DNAAF11: variants seen among roughly 807,000 people sequenced by gnomAD.
The protein encoded by DNAAF11 is dynein axonemal assembly factor 11.
In DNAAF11, 45 loss-of-function variants were observed where a neutral mutation model predicts 60.8. The ratio of observed to expected loss-of-function variants is 0.74; its 90% confidence interval spans 0.58 to 0.95. The LOEUF (loss-of-function observed/expected upper bound fraction) is 0.95. Among genes scored for constraint, DNAAF11 ranks in the 40% least tolerant of loss-of-function variants. The pLI is 0.00. For missense variants in DNAAF11, 546 were observed against 546.2 expected, an observed-to-expected ratio of 1.00 and a Z score of 0.00; for synonymous variants, 191 against 183.5, an observed-to-expected ratio of 1.04 and a Z score of -0.33.
At chr8:132,698,239 A>G in the DNAAF11 span, among the ~76,000 whole-genome samples, 1 of 152,214 alleles carries the variant, frequency 6.6e-6, no homozygotes, top group Non-Finnish European at 1.5e-5. Context: ...TTCGTAATAG[A>G]CCATGGAAAG....
rs1288859622 is a variant in DNAAF11, at chr8:132,627,134, T to A, written c.654-1680A>T. The stretch of plus-strand genomic sequence containing the variant: ...GTTCTTTATGGTATTGAAAGAATAA[T>A]CTATGAAGGGTATCTATAATATTCT... On this transcript the variant is annotated intron_variant, in intron 5 of 11. Transcript: ENST00000620350. Among the ~76,000 whole-genome samples the A allele has an allele frequency of 2.0e-5, 3 of 152,320 alleles. No homozygotes were observed. In the East Asian group the frequency reaches 5.8e-4, roughly 29 times the overall value.
chr8:132,638,891 G>A (rs1456950351), intron 3 of DNAAF11, among the ~76,000 whole-genome samples: 1 of 152,140 alleles, frequency 6.6e-6, no homozygotes, highest in Non-Finnish European at 1.5e-5. Context: ...TCCAGACTTG[G>A]GAATTAGACA....
intron 10 of DNAAF11, among the ~76,000 whole-genome samples, chr8:132,584,266 A>C (rs1316502785): frequency 6.6e-6 from 1 of 152,152 alleles, no homozygotes; most frequent in Admixed American, 6.6e-5. Flanking sequence ...TTTTGGTCTA[A>C]AAAGTCCTAT....
In DNAAF11 at chr8:132,579,702, A is replaced by G. The variant is rs115136568; in HGVS notation, c.1226+3992T>C. Among the ~76,000 whole-genome samples, 737 of 152,312 alleles carry G rather than the reference A, an allele frequency of 4.8e-3. 10 individuals are homozygous for G. Among genetic ancestry groups the G allele is most frequent in the African/African-American group, 0.017 (709 of 41,570 alleles). On this transcript the variant is annotated intron_variant, in intron 11 of 11. Transcript: ENST00000620350. The stretch of plus-strand genomic sequence containing the variant: ...TATATGCAGTAGCTCACAGTAAAAA[A>G]TAGACAACTAGGCCAGGCGTAGTGT...
chr8:132,691,553 T>A, the DNAAF11 span, among the ~76,000 whole-genome samples: 1 of 152,152 alleles, frequency 6.6e-6, no homozygotes, highest in Non-Finnish European at 1.5e-5. Flanking sequence ...CAGAAAAAAG[T>A]TTCACTGATT....
At chr8:132,618,750 A>C (rs962730292) in intron 7 of DNAAF11, among the ~76,000 whole-genome samples, 21 of 152,218 alleles carry the variant, frequency 1.4e-4, no homozygotes, top group African/African-American at 4.8e-4. Context: ...ACAATGAGAT[A>C]CCATCTCACG....
intron 3 of DNAAF11, among the ~76,000 whole-genome samples, chr8:132,639,213 T>C (rs750816975): frequency 6.6e-6 from 1 of 152,310 alleles, no homozygotes; most frequent in East Asian, 1.9e-4. Flanking sequence ...AGTTTCTTTC[T>C]ATGAGCTAAG....
intron 3 of DNAAF11, among the ~76,000 whole-genome samples, chr8:132,654,604 A>G (rs1375532745): frequency 6.6e-6 from 1 of 152,004 alleles, no homozygotes; most frequent in Non-Finnish European, 1.5e-5. Context: ...GAGTGAAACG[A>G]GAAATCAGTA....
chr8:132,667,310 C>T (rs2130858009), intron 1 of DNAAF11, among the ~76,000 whole-genome samples: 1 of 152,320 alleles, frequency 6.6e-6, no homozygotes, highest in East Asian at 1.9e-4. Flanking sequence ...GTTAGCATTA[C>T]TTCTTAAAAT....
chr8:132,680,448 G>A, upstream of DNAAF11, among the ~76,000 whole-genome samples: 1 of 152,014 alleles, frequency 6.6e-6, no homozygotes, highest in East Asian at 1.9e-4. Flanking sequence ...ATAAATTCTA[G>A]GGACATTTGC....
upstream of DNAAF11, among the ~76,000 whole-genome samples, chr8:132,677,732 C>A (rs1218135050): frequency 6.6e-6 from 1 of 152,140 alleles, no homozygotes; most frequent in East Asian, 1.9e-4. Flanking sequence ...TAGTGAGACT[C>A]TGTGTCTAAA....
At chr8:132,575,698 T>G (rs949503667) in intron 11 of DNAAF11, among the ~76,000 whole-genome samples, 5 of 152,154 alleles carry the variant, frequency 3.3e-5, no homozygotes, top group Admixed American at 2.6e-4. Context: ...GCTGGTATTT[T>G]CCAAGATTTT....
intron 1 of DNAAF11, among the ~76,000 whole-genome samples, chr8:132,668,731 C>T (rs1039994700): frequency 2.6e-5 from 4 of 152,124 alleles, no homozygotes; most frequent in African/African-American, 4.8e-5. Flanking sequence ...CTTGAGCCAC[C>T]GCGCCCGGCC....
intron 7 of DNAAF11, among the ~76,000 whole-genome samples, chr8:132,618,173 C>T (rs1477327036): frequency 6.6e-6 from 1 of 151,230 alleles, no homozygotes; most frequent in Non-Finnish European, 1.5e-5. Flanking sequence ...CTTTGACAAA[C>T]CTGAGAAAAA....
At chr8:132,656,718 C>T (rs527659938) in intron 3 of DNAAF11, 112 bp downstream of exon 3, 16 of 533,634 alleles carry the variant, frequency 3.0e-5, no homozygotes, top group African/African-American at 2.0e-4. Flanking sequence ...GTGATCTGCC[C>T]GCCTTGGCCT....
chr8:132,576,278 A>G (rs7462925), intron 11 of DNAAF11, among the ~76,000 whole-genome samples: 1 of 152,162 alleles, frequency 6.6e-6, no homozygotes, highest in Admixed American at 6.5e-5. Context: ...GCTGCTCACA[A>G]TTCATGTATC....
At chr8:132,613,635 G>A (rs2130045044) in intron 8 of DNAAF11, among the ~76,000 whole-genome samples, 1 of 152,284 alleles carries the variant, frequency 6.6e-6, no homozygotes, top group South Asian at 2.1e-4. Flanking sequence ...TTTATTAAAT[G>A]CCATGGTGTT....
the DNAAF11 span, among the ~76,000 whole-genome samples, chr8:132,685,973 A>G: frequency 6.6e-6 from 1 of 152,198 alleles, no homozygotes; most frequent in South Asian, 2.1e-4. Context: ...CAAGATTGAA[A>G]AGATTTTGAT....
the DNAAF11 span, among the ~76,000 whole-genome samples, chr8:132,700,372 GAA>G: frequency 1.3e-5 from 2 of 152,146 alleles, no homozygotes; most frequent in East Asian, 3.9e-4. Context: ...GGCTCTGGGA[GAA>G]AAAGAGTCTG....
Sources: allele counts gnomAD v4.1 joint callset (sites outside exome capture counted in the v4.1 genomes callset), GRCh38; gene constraint gnomAD v4.1.1; transcripts MANE v1.5; gene names NCBI Gene and HGNC (gene_info 2026-07-23, HGNC 2026-07-21).